Variants in RAB27A observed in about 807,000 individuals in gnomAD.
RAB27A encodes RAB27A, member RAS oncogene family.
In RAB27A, 17 loss-of-function variants were observed where a neutral mutation model predicts 20.8. The observed-to-expected ratio is 0.82, with a 90% CI of 0.56 to 1.23. RAB27A has a LOEUF of 1.23. Among genes scored for constraint, RAB27A ranks in the 50% most tolerant of loss-of-function variants. The pLI, the probability that RAB27A is intolerant of heterozygous loss-of-function variation, is 0.00. For synonymous variants in RAB27A, 85 were observed against 92.8 expected, an observed-to-expected ratio of 0.92 and a Z score of 0.48; for missense variants, 277 against 266.7, an observed-to-expected ratio of 1.04 and a Z score of -0.27.
intron 3 of RAB27A, 55 bp downstream of exon 3, chr15:55,234,726 AC>A: frequency 6.5e-7 from 1 of 1,539,412 alleles, no homozygotes; most frequent in Non-Finnish European, 9.0e-7. Context: ...AACTAAACAG[AC>A]CAGCAAATGT....
At chr15:55,246,662 G>A (rs16976220) in intron 2 of RAB27A, among the ~76,000 whole-genome samples, 32,686 of 151,306 alleles carry the variant, frequency 0.22, 6,243 homozygotes, top group African/African-American at 0.51. Flanking sequence ...AACATAGGCA[G>A]TACAGTGGAA....
At chr15:55,275,512 G>A (rs528759568) in intron 1 of RAB27A, among the ~76,000 whole-genome samples, 3 of 151,556 alleles carry the variant, frequency 2.0e-5, no homozygotes, top group African/African-American at 7.3e-5. Context: ...CTGTAATCCT[G>A]GCTACTCGGG....
rs115709833 is a variant in RAB27A at position 55,210,889 on chromosome 15, T to C, written c.468-5184A>G. ...CAAATGTTTTCTTCTAGTAGTTTCA[T>C]AGTTTCAAGTCCGATATTTAAGTTT... On this transcript the variant is annotated intron_variant, in intron 6 of 6. Transcript: ENST00000336787. 2.5e-3 allele frequency among the ~76,000 whole-genome samples: 374 copies of C among 152,314 alleles called. 4 individuals are homozygous for C. The highest frequency in any genetic ancestry group is 8.5e-3 in the African/African-American group (353 of 41,558).
intron 6 of RAB27A, among the ~76,000 whole-genome samples, chr15:55,207,050 T>G (rs1022434375): frequency 5.3e-5 from 8 of 152,152 alleles, no homozygotes; most frequent in African/African-American, 1.9e-4. Flanking sequence ...GAAAAAATGT[T>G]CAACCTCACC....
At chr15:55,265,479 C>A (rs1897438414) in intron 2 of RAB27A, among the ~76,000 whole-genome samples, 1 of 152,070 alleles carries the variant, frequency 6.6e-6, no homozygotes, top group Non-Finnish European at 1.5e-5. Context: ...ACACAGTGCA[C>A]TAGATAATGT....
intron 1 of RAB27A, among the ~76,000 whole-genome samples, chr15:55,286,818 C>T (rs1382278774): frequency 6.6e-6 from 1 of 150,714 alleles, no homozygotes; most frequent in Non-Finnish European, 1.5e-5. Context: ...GGAAGCCCTT[C>T]AGAAGGCTTT....
At chr15:55,232,272 T>C (rs1188439412) in intron 3 of RAB27A, among the ~76,000 whole-genome samples, 2 of 152,148 alleles carry the variant, frequency 1.3e-5, no homozygotes, top group Non-Finnish European at 2.9e-5. Context: ...ATACAAAGAA[T>C]ACAGATTTTG....
chr15:55,270,054 A>C (rs888840777), intron 2 of RAB27A, 111 bp downstream of exon 2: 5 of 152,148 alleles, frequency 3.3e-5, no homozygotes, highest in African/African-American at 1.2e-4. Flanking sequence ...TAAAAACAGT[A>C]CGTGCAATGG....
chr15:55,282,818 C>A (rs1287138772), intron 1 of RAB27A, among the ~76,000 whole-genome samples: 1 of 152,152 alleles, frequency 6.6e-6, no homozygotes, highest in Non-Finnish European at 1.5e-5. Flanking sequence ...TATGGCCAAC[C>A]TGGCACCTCC....
At chr15:55,208,138 T>C (rs2058143777) in intron 6 of RAB27A, among the ~76,000 whole-genome samples, 1 of 152,180 alleles carries the variant, frequency 6.6e-6, no homozygotes, top group East Asian at 1.9e-4. Context: ...AATAAGCGCA[T>C]GAATAGTGAT....
At chr15:55,299,239 C>T (rs1247097000) in intron 2 of RAB27A, among the ~76,000 whole-genome samples, 1 of 152,180 alleles carries the variant, frequency 6.6e-6, no homozygotes, top group East Asian at 1.9e-4. Context: ...TCCATAAAAT[C>T]TTCACAATCC....
intron 6 of RAB27A, among the ~76,000 whole-genome samples, chr15:55,217,424 C>A (rs1460078645): frequency 6.6e-6 from 1 of 151,860 alleles, no homozygotes; most frequent in East Asian, 1.9e-4. Context: ...CTTTGGGAGG[C>A]CGAGACTTGT....
chr15:55,300,627 C>T (rs1362208927), intron 2 of RAB27A, among the ~76,000 whole-genome samples: 4 of 151,968 alleles, frequency 2.6e-5, no homozygotes, highest in East Asian at 3.9e-4. Flanking sequence ...TGCAGTAAGC[C>T]GAGAGTGTGC....
chr15:55,210,374 T>C (rs1186309534), intron 6 of RAB27A, among the ~76,000 whole-genome samples: 2 of 150,680 alleles, frequency 1.3e-5, no homozygotes, highest in Non-Finnish European at 3.0e-5. Flanking sequence ...TTTCTCTGCA[T>C]CCTCACCAGC....
At chr15:55,275,918 T>TAAAAAAAAAAA (rs60106785) in intron 1 of RAB27A, among the ~76,000 whole-genome samples, 3 of 104,122 alleles carry the variant, frequency 2.9e-5, no homozygotes, top group Admixed American at 1.2e-4. Context: ...GATGGCTAAT[T>TAAAAAAAAAAA]AAAAAAAAAA....
intron 2 of RAB27A, among the ~76,000 whole-genome samples, chr15:55,255,451 C>T (rs1217470875): frequency 6.6e-6 from 1 of 152,152 alleles, no homozygotes; most frequent in Non-Finnish European, 1.5e-5. Flanking sequence ...TTGTGTATTG[C>T]TTCTCCACTA....
intron 2 of RAB27A, among the ~76,000 whole-genome samples, chr15:55,308,661 T>C (rs1032132608): frequency 4.6e-5 from 7 of 152,224 alleles, no homozygotes; most frequent in Non-Finnish European, 8.8e-5. Flanking sequence ...TTTTCTTCAT[T>C]GTCCGGAAGA....
At chr15:55,214,446 C>G (rs1333837511) in intron 6 of RAB27A, among the ~76,000 whole-genome samples, 1 of 152,158 alleles carries the variant, frequency 6.6e-6, no homozygotes, top group Non-Finnish European at 1.5e-5. Context: ...AAAACAACAA[C>G]AACAACAACA....
chr15:55,227,545 C>T (rs934583021), intron 5 of RAB27A, among the ~76,000 whole-genome samples: 4 of 152,060 alleles, frequency 2.6e-5, no homozygotes, highest in Admixed American at 1.3e-4. Flanking sequence ...CTCTTAGTGG[C>T]CAACTGACTT....
Sources: allele counts gnomAD v4.1 joint callset (sites outside exome capture counted in the v4.1 genomes callset), GRCh38; gene constraint gnomAD v4.1.1; transcripts MANE v1.5; gene names NCBI Gene and HGNC (gene_info 2026-07-23, HGNC 2026-07-21).